KYAT1: variants seen among roughly 807,000 people sequenced by gnomAD.
KYAT1 encodes the protein kynurenine--oxoglutarate transaminase 1.
In KYAT1, 47 loss-of-function variants were observed where a neutral mutation model predicts 52.4. The ratio of observed to expected loss-of-function variants is 0.90; its 90% CI spans 0.71 to 1.14. The LOEUF (loss-of-function observed/expected upper bound fraction) is 1.14. Among genes scored for constraint, KYAT1 ranks in the 50% most tolerant of loss-of-function variants. The pLI, the probability that KYAT1 is intolerant of heterozygous loss-of-function variation, is 0.00. For synonymous variants in KYAT1, 212 were observed against 209.6 expected, an observed-to-expected ratio of 1.01 and a Z score of -0.10; for missense variants, 480 against 557.9, an observed-to-expected ratio of 0.86 and a Z score of 1.41.
chr9:128,882,377 C>T (rs899417840), upstream of KYAT1: 1 of 230,858 alleles, frequency 4.3e-6, no homozygotes, highest in Admixed American at 5.7e-5. Context: ...GGGCCGGCCC[C>T]CTGGGGACCT....
chr9:128,835,648 A>T lies in KYAT1; in HGVS notation c.875T>A (p.Phe292Tyr). The T allele has an allele frequency of 6.2e-7, 1 of 1,610,736 alleles. No homozygotes were observed. The highest frequency in any genetic ancestry group is 8.5e-7 in the Non-Finnish European group (1 of 1,179,880). ...TQSQAAVAES[F>Y]EREQLLFRQP... ...GCGGAAGAGCAGCTGCTCCCGTTCA[A>T]AGCTCTCGGCTACTGCAGCCTGGGC... The change falls in exon 10 of 13, where the codon TTT becomes TAT. Residue 292 changes from phenylalanine to tyrosine, a missense_variant. Phe to Tyr is a conservative substitution (Grantham distance 22). Transcript: ENST00000302586.
Position 128,835,469 on chromosome 9 carries a change from A to G in KYAT1, c.1042+12T>C, listed in dbSNP as rs904036599. 3 of 1,613,762 alleles carry G rather than the reference A, an allele frequency of 1.9e-6. No individual in the cohort carries two copies. Among genetic ancestry groups the G allele is most frequent in the Non-Finnish European group, 2.5e-6 (3 of 1,179,996 alleles). ...CCCCTGCGCCCTGCCCAGACCGGCA[A>G]GTCTCACTCACTGAAGTCTGAGATG... On this transcript the variant is annotated intron_variant, in intron 10 of 12. Transcript: ENST00000302586.
At position 128,847,756 on chromosome 9, in the gene KYAT1, C is replaced by T. The variant is rs1354763951; in HGVS notation, c.-6-2345G>A. On this transcript the variant is annotated intron_variant, in intron 1 of 12. Coordinates refer to ENST00000302586, the MANE Select transcript of KYAT1 (RefSeq NM_004059.5). ...TTATCCGACTCCGTCCTTATAAGAA[C>T]CCTGTTACTCATATACAATACACCC... 31 of 487,080 alleles carry T rather than the reference C, an allele frequency of 6.4e-5. No homozygotes were observed. The East Asian group carries it at 1.0e-3, about 16-fold the overall frequency. The allele number at this position is 487,080 out of a possible 1,614,324, so 30.2% of individuals were successfully genotyped here. A position where few individuals can be genotyped will look rare whatever the true frequency, so the allele number is the denominator to read the frequency against.
intron 1 of KYAT1, chr9:128,847,478 C>T: frequency 6.5e-7 from 1 of 1,536,054 alleles, no homozygotes; most frequent in Non-Finnish European, 8.7e-7. Context: ...CCTTCCTTCC[C>T]TGAAGGGGCC....
At chr9:128,850,574 G>A (rs769969448) in intron 1 of KYAT1, among the ~76,000 whole-genome samples, 8 of 152,138 alleles carry the variant, frequency 5.3e-5, no homozygotes, top group South Asian at 4.1e-4. Context: ...TTGGAAAGCC[G>A]CGTATTGTCC....
rs182982386 is a variant in KYAT1 at position 128,842,698 on chromosome 9, C to A, written c.157G>T (p.Ala53Ser). The A allele has an allele frequency of 6.2e-7, 1 of 1,614,018 alleles. No homozygotes were observed. The highest frequency in any genetic ancestry group is 1.3e-5 in the African/African-American group (1 of 74,914). ...TTAAGCATGAAGTCTCCACTGACAG[C>A]GTGCTGAAAGGCTTCCACGGCAAAG... ...PDFAVEAFQH[A>S]VSGDFMLNQY... Residue 53 changes from alanine to serine, a missense_variant, in exon 3 of 13, where the codon GCT becomes TCT. By Grantham distance (99) the Ala-to-Ser change is moderately conservative. Transcript: ENST00000302586.
chr9:128,870,001 G>A (rs1355204209), intron 1 of KYAT1, among the ~76,000 whole-genome samples: 1 of 151,976 alleles, frequency 6.6e-6, no homozygotes, highest in Non-Finnish European at 1.5e-5. Flanking sequence ...TGATCCCCCC[G>A]CCTCAGCCTC....
In KYAT1 at chr9:128,845,404, ATG is replaced by A; in HGVS notation, c.-1_1del. The A allele has an allele frequency of 6.2e-7, 1 of 1,613,916 alleles. No homozygotes were observed. The highest frequency in any genetic ancestry group is 2.2e-5 in the East Asian group (1 of 44,878). On this transcript the variant is annotated start_lost and 5_prime_UTR_variant, in exon 2 of 13. Transcript: ENST00000302586. Reference sequence around the variant, plus strand: ...CCTTCGGGCCTGCAGCTGTTTGGCCATGGCGAGCTGGAGACGAACAAGTGGAA... The same window carrying A: ...CCTTCGGGCCTGCAGCTGTTTGGCCAGCGAGCTGGAGACGAACAAGTGGAA...
chr9:128,867,741 T>C (rs1209830525), intron 1 of KYAT1, among the ~76,000 whole-genome samples: 1 of 152,136 alleles, frequency 6.6e-6, no homozygotes, highest in East Asian at 1.9e-4. Flanking sequence ...ATGTGAAAAA[T>C]GCAGGTTGAT....
intron 1 of KYAT1, among the ~76,000 whole-genome samples, chr9:128,876,479 G>A (rs1419451468): frequency 1.8e-4 from 26 of 144,848 alleles, no homozygotes; most frequent in African/African-American, 5.4e-4. Flanking sequence ...GTGCAGTGGC[G>A]TGATCTCAGC....
At chr9:128,840,789 CA>C in intron 3 of KYAT1, 1 of 297,164 alleles carries the variant, frequency 3.4e-6, no homozygotes, top group South Asian at 2.9e-5. Context: ...CTCCTGGGCT[CA>C]AACAATCTTC....
intron 1 of KYAT1, among the ~76,000 whole-genome samples, chr9:128,849,733 T>C (rs1382690472): frequency 2.7e-5 from 4 of 148,574 alleles, no homozygotes; most frequent in South Asian, 2.1e-4. Flanking sequence ...GAGATGGAGG[T>C]TGCAGTGAGC....
intron 1 of KYAT1, among the ~76,000 whole-genome samples, chr9:128,875,983 C>T (rs557409186): frequency 6.6e-6 from 1 of 152,306 alleles, no homozygotes; most frequent in African/African-American, 2.4e-5. Flanking sequence ...TGTCCCCCAA[C>T]CCCCATTGGA....
Position 128,835,686 on chromosome 9 carries a change from C to T in KYAT1, c.856-19G>A, listed in dbSNP as rs768859816. On this transcript the variant is annotated intron_variant, in intron 9 of 12. Coordinates refer to ENST00000302586, the MANE Select transcript of KYAT1 (RefSeq NM_004059.5). ...CTGCAGCCTGGGCAGGGCAGATGGA[C>T]ACACAGATAGATCAGCTGTTCCCTG... The T allele has an allele frequency of 1.9e-6, 3 of 1,608,210 alleles. No homozygotes were observed. The highest frequency in any genetic ancestry group is 2.2e-5 in the South Asian group (2 of 90,806).
At chr9:128,875,238 G>GTTTTTTTTTTTTTTTTTTTTT (rs937445820) in intron 1 of KYAT1, among the ~76,000 whole-genome samples, 2 of 127,736 alleles carry the variant, frequency 1.6e-5, no homozygotes, top group African/African-American at 6.1e-5. Flanking sequence ...TGTTCAATTT[G>GTTTTTTTTTTTTTTTTTTTTT]TTTTTTTTTG....
chr9:128,851,497 A>G (rs919005841), intron 1 of KYAT1, among the ~76,000 whole-genome samples: 1 of 152,224 alleles, frequency 6.6e-6, no homozygotes, highest in African/African-American at 2.4e-5. Context: ...CAAACAATAG[A>G]ACAATTCTGC....
At chr9:128,847,552 G>T (rs1833303812) in intron 1 of KYAT1, 12 of 1,510,916 alleles carry the variant, frequency 7.9e-6, no homozygotes, top group African/African-American at 1.4e-5. Flanking sequence ...TTGGGGCACT[G>T]CAGACTTTTC....
At chr9:128,849,697 T>G (rs1833654105) in intron 1 of KYAT1, among the ~76,000 whole-genome samples, 1 of 145,542 alleles carries the variant, frequency 6.9e-6, no homozygotes. Flanking sequence ...CTCAGGAGGC[T>G]GAGGCAGAGA....
intron 1 of KYAT1, chr9:128,846,864 G>C (rs766397672): frequency 6.5e-7 from 1 of 1,533,926 alleles, no homozygotes; most frequent in South Asian, 1.2e-5. Flanking sequence ...CACCTGCTGT[G>C]GTCAATAGTG....
Sources: allele counts gnomAD v4.1 joint callset (sites outside exome capture counted in the v4.1 genomes callset), GRCh38; gene constraint gnomAD v4.1.1; transcripts MANE v1.5; gene names NCBI Gene and HGNC (gene_info 2026-07-23, HGNC 2026-07-21).